PRKAA2: variants seen among roughly 807,000 people sequenced by gnomAD.
PRKAA2 encodes the protein 5'-AMP-activated protein kinase catalytic subunit alpha-2.
PRKAA2 carries 40 observed loss-of-function variants against 56.3 expected under a neutral mutation model. The ratio of observed to expected loss-of-function variants is 0.71; its 90% CI spans 0.55 to 0.92. PRKAA2 has a LOEUF of 0.92. Ranked by LOEUF, PRKAA2 falls within the 40% of genes least tolerant of loss-of-function variation. PRKAA2 has a pLI of 0.00. For synonymous variants in PRKAA2, 214 were observed against 234.2 expected, an observed-to-expected ratio of 0.91 and a Z score of 0.79; for missense variants, 542 against 686.9, an observed-to-expected ratio of 0.79 and a Z score of 2.36.
At chr1:56,664,578 A>G (rs1306874942) in intron 1 of PRKAA2, among the ~76,000 whole-genome samples, 3 of 151,730 alleles carry the variant, frequency 2.0e-5, no homozygotes, top group Admixed American at 2.0e-4. Flanking sequence ...TTTCTGGTGT[A>G]TTTTTAACAG....
rs1300179635 is a variant in PRKAA2 at position 56,706,048 on chromosome 1, T to A, written c.1294-44T>A. On this transcript the variant is annotated intron_variant, in intron 7 of 8. Coordinates refer to ENST00000371244, the MANE Select transcript of PRKAA2 (RefSeq NM_006252.4). ...TTTTGACTTTTTTTGCATAAAAAGG[T>A]AGATATTTTGTAGTTTATTATTTTT... 10 of 1,525,850 alleles carry A rather than the reference T, an allele frequency of 6.6e-6. No homozygotes were observed. In the African/African-American group the frequency reaches 8.3e-5, roughly 13 times the overall value. The allele number at this position is 1,525,850 out of a possible 1,614,324, so 94.5% of individuals were successfully genotyped here. A position where few individuals can be genotyped will look rare whatever the true frequency, so the allele number is the denominator to read the frequency against.
chr1:56,676,134 A>G (rs1389315250), intron 2 of PRKAA2, among the ~76,000 whole-genome samples: 1 of 152,176 alleles, frequency 6.6e-6, no homozygotes, highest in Non-Finnish European at 1.5e-5. Flanking sequence ...AAGTGTGGTA[A>G]GCAGAGTAAT....
intron 2 of PRKAA2, among the ~76,000 whole-genome samples, chr1:56,685,487 C>T (rs533844323): frequency 6.6e-6 from 1 of 152,128 alleles, no homozygotes; most frequent in African/African-American, 2.4e-5. Context: ...TGCAAATTTG[C>T]CAGCATTTAA....
chr1:56,702,890 T>C (rs1644306421), intron 6 of PRKAA2, among the ~76,000 whole-genome samples: 1 of 152,260 alleles, frequency 6.6e-6, no homozygotes, highest in Non-Finnish European at 1.5e-5. Context: ...TTGTTTAATC[T>C]CTGTGCAGCT....
At chr1:56,690,149 A>G (rs560033223) in intron 2 of PRKAA2, among the ~76,000 whole-genome samples, 1 of 151,178 alleles carries the variant, frequency 6.6e-6, no homozygotes, top group African/African-American at 2.4e-5. Context: ...TAACATAAGC[A>G]TAGTATCATC....
intron 1 of PRKAA2, among the ~76,000 whole-genome samples, chr1:56,658,303 G>C (rs1643961345): frequency 6.6e-6 from 1 of 152,206 alleles, no homozygotes; most frequent in African/African-American, 2.4e-5. Flanking sequence ...AATGAGAATG[G>C]AAGGGGAGTT....
At chr1:56,675,934 A>G (rs1644109777) in intron 2 of PRKAA2, among the ~76,000 whole-genome samples, 1 of 148,594 alleles carries the variant, frequency 6.7e-6, no homozygotes, top group Non-Finnish European at 1.5e-5. Flanking sequence ...CAGAGAAAGC[A>G]TGTTCATATA....
rs1644357900 is a variant in PRKAA2 at position 56,709,826 on chromosome 1, G to GT, written c.*2119dup. The GT allele has an allele frequency of 6.6e-6, 1 of 152,220 alleles. No individual in the cohort carries two copies. The highest frequency in any genetic ancestry group is 2.4e-5 in the African/African-American group (1 of 41,540). 9.4% of individuals were successfully genotyped at this position (152,220 alleles called of 1,614,324 possible). A position where few individuals can be genotyped will look rare whatever the true frequency, so the allele number is the denominator to read the frequency against. On this transcript the variant is annotated 3_prime_UTR_variant, in exon 9 of 9. Coordinates refer to ENST00000371244, the MANE Select transcript of PRKAA2 (RefSeq NM_006252.4). ...ATTACCTTATATGGATTATTGCCAT[G>GT]TTTTTTGAGAGTTAATTATTTACTG...
Position 56,700,467 on chromosome 1 carries a change from G to T in PRKAA2, c.789-3504G>T, listed in dbSNP as rs1375442703. Among the ~76,000 whole-genome samples, 4 of 152,068 alleles carry T rather than the reference G, an allele frequency of 2.6e-5. No individual in the cohort carries two copies. The East Asian group carries it at 7.7e-4, about 29-fold the overall frequency. ...CAGGCAAACACACAACTCTGCATTT[G>T]TTTCTGGCCTTTCTGAGTCCCAGAA... On this transcript the variant is annotated intron_variant, in intron 6 of 8. Transcript: ENST00000371244.
chr1:56,695,894 A>T, intron 5 of PRKAA2, 41 bp from the exon 6 acceptor site: 1 of 1,545,464 alleles, frequency 6.5e-7, no homozygotes, highest in South Asian at 1.1e-5. Context: ...AGAAAAAGTG[A>T]TTCTTGCATT....
rs1644099236 is a variant in PRKAA2, at chr1:56,674,453, ATGT to A, written c.173_175del (p.Val58del). On this transcript the variant is annotated inframe_deletion, in exon 2 of 9. Transcript: ENST00000371244. Reference sequence around the variant, plus strand: ...AATAGACAGAAGATTCGCAGTTTAGATGTTGTTGGAAAAATAAAACGAGAAATT... The same window carrying A: ...AATAGACAGAAGATTCGCAGTTTAGATGTTGGAAAAATAAAACGAGAAATT... 2 of 1,577,796 alleles carry A rather than the reference ATGT, an allele frequency of 1.3e-6. No homozygotes were observed. Among genetic ancestry groups the A allele is most frequent in the Non-Finnish European group, 1.7e-6 (2 of 1,160,790 alleles).
chr1:56,663,081 T>C (rs924748073), intron 1 of PRKAA2, among the ~76,000 whole-genome samples: 1 of 151,894 alleles, frequency 6.6e-6, no homozygotes, highest in Non-Finnish European at 1.5e-5. Context: ...TTTTTGTTTG[T>C]TTGTTGTTTT....
At chr1:56,677,195 T>C (rs777579374) in intron 2 of PRKAA2, among the ~76,000 whole-genome samples, 13 of 152,210 alleles carry the variant, frequency 8.5e-5, no homozygotes, top group Non-Finnish European at 1.6e-4. Context: ...TAGTGTTTGA[T>C]AAGCATTGGC....
chr1:56,672,506 G>A (rs899824495), intron 1 of PRKAA2, among the ~76,000 whole-genome samples: 3 of 152,124 alleles, frequency 2.0e-5, no homozygotes, highest in Non-Finnish European at 4.4e-5. Flanking sequence ...AGAGGTCACT[G>A]GCATATGGGT....
In PRKAA2 at chr1:56,710,320, A is replaced by T. The variant is rs1207605681; in HGVS notation, c.*2607A>T. The T allele has an allele frequency of 6.6e-6, 1 of 152,064 alleles. No individual in the cohort carries two copies. Among genetic ancestry groups the T allele is most frequent in the Admixed American group, 6.6e-5 (1 of 15,252 alleles). The allele number at this position is 152,064 out of a possible 1,614,324, so 9.4% of individuals were successfully genotyped here. Reference sequence around the variant, plus strand: ...CTCCACAGAAAAAATGATTGCATGGACTAAGTTTGAAAAATGTTGCATGCT... The same window carrying T: ...CTCCACAGAAAAAATGATTGCATGGTCTAAGTTTGAAAAATGTTGCATGCT... On this transcript the variant is annotated 3_prime_UTR_variant, in exon 9 of 9. Transcript: ENST00000371244.
intron 1 of PRKAA2, among the ~76,000 whole-genome samples, chr1:56,650,793 A>G (rs1646681318): frequency 6.6e-6 from 1 of 152,192 alleles, no homozygotes; most frequent in African/African-American, 2.4e-5. Context: ...TCCATTTTTC[A>G]AATAGTTACA....
At chr1:56,675,820 C>T (rs912060790) in intron 2 of PRKAA2, among the ~76,000 whole-genome samples, 1 of 151,922 alleles carries the variant, frequency 6.6e-6, no homozygotes, top group African/African-American at 2.4e-5. Context: ...TGACAAATAA[C>T]AGTGTTTTAT....
chr1:56,680,196 C>T (rs1644143273), intron 2 of PRKAA2, among the ~76,000 whole-genome samples: 1 of 152,144 alleles, frequency 6.6e-6, no homozygotes, highest in Non-Finnish European at 1.5e-5. Flanking sequence ...ACTTTACTCA[C>T]TAAGACTAGG....
intron 2 of PRKAA2, among the ~76,000 whole-genome samples, chr1:56,675,382 C>T (rs1433253413): frequency 6.6e-6 from 1 of 151,792 alleles, no homozygotes; most frequent in Non-Finnish European, 1.5e-5. Context: ...ATGTGTGGAG[C>T]ATTTTCCTTA....
Sources: gnomAD v4.1 joint callset for allele counts (sites outside exome capture counted in the v4.1 genomes callset) on GRCh38, gnomAD v4.1.1 for gene constraint, MANE v1.5 for transcripts, NCBI Gene and HGNC (gene_info 2026-07-23, HGNC 2026-07-21) for gene names.